KCTD13: variants seen among roughly 807,000 people sequenced by gnomAD.
The protein encoded by KCTD13 is potassium channel tetramerization domain containing 13, also known as BTB/POZ domain-containing adapter for CUL3-mediated RhoA degradation protein 1.
KCTD13 carries 15 observed loss-of-function variants against 32.3 expected under a neutral mutation model. That is an observed-to-expected ratio of 0.46 (90% CI 0.31 to 0.71). The LOEUF (loss-of-function observed/expected upper bound fraction) is 0.71, where lower values mean the gene tolerates loss of function less well. Among genes scored for constraint, KCTD13 ranks in the 30% least tolerant of loss-of-function variants. The pLI is 0.05. For missense variants in KCTD13, 337 were observed against 452.6 expected (o/e 0.74, Z 2.32); for synonymous variants, 189 against 200.1 (o/e 0.94, Z 0.47).
rs75546749 is a variant in KCTD13 at position 29,910,015 on chromosome 16, C to T, written c.753+963G>A. On this transcript the variant is annotated intron_variant, in intron 5 of 5. Coordinates refer to ENST00000568000, the MANE Select transcript of KCTD13 (RefSeq NM_178863.5). The stretch of plus-strand genomic sequence containing the variant: ...TTGGGAGGCTGAGGCAGGAGAATCA[C>T]TTGAATCTGGGAGGCAGAGGTTAAG... 0.015 allele frequency among the ~76,000 whole-genome samples: 2,229 copies of T among 150,842 alleles called. 258 individuals carry two copies. The East Asian group carries it at 0.29, about 20-fold the overall frequency.
At chr16:29,914,858 G>GAAGCCGGGC (rs1027821156) in intron 2 of KCTD13, 1 of 152,184 alleles carries the variant, frequency 6.6e-6, no homozygotes, top group African/African-American at 2.4e-5. Flanking sequence ...AAAAGCAGGG[G>GAAGCCGGGC]AAGCCGGGCG....
chr16:29,920,146 ACTCCATCTC>A (rs1430877929), intron 2 of KCTD13: 2 of 152,308 alleles, frequency 1.3e-5, no homozygotes, highest in Non-Finnish European at 2.9e-5. Flanking sequence ...ACATGGCGAA[ACTCCATCTC>A]TACCAAAAAT....
At chr16:29,914,372 A>T (rs1217042627) in intron 2 of KCTD13, 1 of 152,044 alleles carries the variant, frequency 6.6e-6, no homozygotes, top group Non-Finnish European at 1.5e-5. Context: ...CATCTCAGTC[A>T]GGTCCAGGTG....
At chr16:29,918,094 G>T (rs920065013) in intron 2 of KCTD13, among the ~76,000 whole-genome samples, 3 of 152,204 alleles carry the variant, frequency 2.0e-5, no homozygotes, top group African/African-American at 7.2e-5. Context: ...GTTGACAATG[G>T]AAAGCATGAC....
In KCTD13 at chr16:29,906,726, G is replaced by A. The variant is rs2068619715; in HGVS notation, c.*146C>T. The A allele has an allele frequency of 4.2e-6, 3 of 707,136 alleles. No individual in the cohort carries two copies. The highest frequency in any genetic ancestry group is 5.4e-5 in the East Asian group (2 of 37,062). The allele number at this position is 707,136 out of a possible 1,614,324, so 43.8% of individuals were successfully genotyped here. A position where few individuals can be genotyped will look rare whatever the true frequency, so the allele number is the denominator to read the frequency against. ...ATGGGGTTGGGATGGGTGGAGAAGGGCCAAAGTGAGCTGTGCCATGCAATG... is the reference window on the plus strand; with the variant it reads ...ATGGGGTTGGGATGGGTGGAGAAGGACCAAAGTGAGCTGTGCCATGCAATG... On this transcript the variant is annotated 3_prime_UTR_variant, in exon 6 of 6. Coordinates refer to ENST00000568000, the MANE Select transcript of KCTD13 (RefSeq NM_178863.5).
intron 2 of KCTD13, 28 bp downstream of exon 2, chr16:29,923,162 T>C (rs1567448269): frequency 5.6e-6 from 9 of 1,611,136 alleles, no homozygotes; most frequent in East Asian, 4.5e-5. Context: ...CCCAGGAACA[T>C]AGGCATGGGG....
rs541171011 is a variant in KCTD13 at position 29,906,791 on chromosome 16, G to A, written c.*81C>T. On this transcript the variant is annotated 3_prime_UTR_variant, in exon 6 of 6. Transcript: ENST00000568000. ...GACCCACGACTTGGCCAGCAGAGCC[G>A]GGGCAAAAGTCTGGGAAGGGGAGGG... 2.0e-5 allele frequency: 26 copies of A among 1,280,954 alleles called. No individual in the cohort carries two copies. Among genetic ancestry groups the A allele is most frequent in the Middle Eastern group, 1.9e-4 (1 of 5,398 alleles). The allele number at this position is 1,280,954 out of a possible 1,614,324, so 79.3% of individuals were successfully genotyped here.
chr16:29,911,122 G>A lies in KCTD13; in HGVS notation c.609C>T (p.Ala203=). 1 of 1,614,152 alleles carries A rather than the reference G, an allele frequency of 6.2e-7. No homozygotes were observed. The highest frequency in any genetic ancestry group is 8.5e-7 in the Non-Finnish European group (1 of 1,180,018). ...LKNIELFDKL[A]LRFHGRLLFL... is the part of the protein sequence containing the mutation. ...AGAGTAGCCGCCCGTGGAAGCGCAG[G>A]GCCAGCTTGTCGAACAGCTCGATGT... The change falls in exon 5 of 6, where the codon GCC becomes GCT. Residue 203 remains alanine (A), a synonymous_variant. Coordinates refer to ENST00000568000, the MANE Select transcript of KCTD13 (RefSeq NM_178863.5).
At chr16:29,917,394 C>A (rs968659311) in intron 2 of KCTD13, among the ~76,000 whole-genome samples, 2 of 152,136 alleles carry the variant, frequency 1.3e-5, no homozygotes, top group African/African-American at 4.8e-5. Context: ...CACCTGTAAT[C>A]CCAGCACTTT....
In KCTD13 at chr16:29,925,979, G is replaced by A. The variant is rs2068989956; in HGVS notation, c.55C>T (p.Pro19Ser). 1 of 1,608,652 alleles carries A rather than the reference G, an allele frequency of 6.2e-7. No homozygotes were observed. Among genetic ancestry groups the A allele is most frequent in the Non-Finnish European group, 8.5e-7 (1 of 1,176,940 alleles). Residue 19 changes from proline to serine, a missense_variant, in exon 1 of 6, where the codon CCC (proline) becomes TCC (serine). Pro to Ser is a moderately conservative substitution (Grantham distance 74, BLOSUM62 -1). This residue lies in a region of KCTD13 where 64 missense variants were observed against 59.6 expected (regional missense o/e 1.07). Coordinates refer to ENST00000568000, the MANE Select transcript of KCTD13 (RefSeq NM_178863.5). ...CCAGGCTCGAGACCCGAGGGCTTGG[G>A]GGCTTCCAGGGACGGGGCCGCGGCG... Reference protein sequence around the residue: ...AAAAAPSLEAPKPSGLEPGPA... With the variant: ...AAAAAPSLEASKPSGLEPGPA...
chr16:29,920,429 A>C (rs982508274), intron 2 of KCTD13: 3 of 152,258 alleles, frequency 2.0e-5, no homozygotes, highest in African/African-American at 7.2e-5. Context: ...ACAGGCTTAG[A>C]GGTTAATTTG....
chr16:29,917,493 A>G (rs1181410423), intron 2 of KCTD13, among the ~76,000 whole-genome samples: 1 of 152,064 alleles, frequency 6.6e-6, no homozygotes, highest in Non-Finnish European at 1.5e-5. Context: ...CAAAAAATAC[A>G]AAAATTAGAC....
intron 2 of KCTD13, 79 bp downstream of exon 2, chr16:29,923,111 T>G: frequency 2.0e-6 from 3 of 1,481,456 alleles, no homozygotes; most frequent in Non-Finnish European, 2.8e-6. Flanking sequence ...CCATACCCCA[T>G]ATCTCCTTTT....
In KCTD13 at chr16:29,911,159, T is replaced by C. The variant is rs961353474; in HGVS notation, c.572A>G (p.Asn191Ser). 2.5e-6 allele frequency: 4 copies of C among 1,613,752 alleles called. No homozygotes were observed. The highest frequency in any genetic ancestry group is 2.5e-6 in the Non-Finnish European group (3 of 1,179,902). The change falls in exon 5 of 6, where the codon AAC becomes AGC. Residue 191 changes from asparagine to serine, a missense_variant. Transcript: ENST00000568000. ...KYSYTSTSDD[N>S]LLKNIELFDK... ...GAACAGCTCGATGTTCTTAAGTAGG[T>C]TGTCATCTGAAGTGCTGGGGACCAG...
intron 2 of KCTD13, chr16:29,914,482 CTGAAGTGCA>C (rs1447847881): frequency 2.7e-5 from 4 of 147,458 alleles, no homozygotes; most frequent in Non-Finnish European, 4.4e-5. Context: ...GTCTCCCAAG[CTGAAGTGCA>C]GAGCCACCAC....
intron 2 of KCTD13, chr16:29,912,450 T>A (rs2068731173): frequency 4.2e-6 from 1 of 238,998 alleles, no homozygotes; most frequent in Non-Finnish European, 8.0e-6. Flanking sequence ...AGTTTTCTTT[T>A]TCTTTTTTTG....
At chr16:29,922,762 G>A in intron 2 of KCTD13, 3 of 390,128 alleles carry the variant, frequency 7.7e-6, no homozygotes, top group Non-Finnish European at 9.0e-6. Flanking sequence ...CGGAAGCCAT[G>A]GGAGAATGCT....
rs1425292041 is a variant in KCTD13 at position 29,923,362 on chromosome 16, A to T, written c.245-3T>A. On this transcript the variant is annotated splice_polypyrimidine_tract_variant and splice_region_variant and intron_variant, in intron 1 of 5. Coordinates refer to ENST00000568000, the MANE Select transcript of KCTD13 (RefSeq NM_178863.5). Reference sequence around the variant, plus strand: ...GCTCCGGTCAATCAGCACCCAACCTAGTGGGGTGGGGAGAGGCAGGGGGAA... The same window carrying T: ...GCTCCGGTCAATCAGCACCCAACCTTGTGGGGTGGGGAGAGGCAGGGGGAA... 6.2e-7 allele frequency: 1 copy of T among 1,613,024 alleles called. No homozygotes were observed. The highest frequency in any genetic ancestry group is 1.7e-5 in the Admixed American group (1 of 59,936).
intron 2 of KCTD13, chr16:29,913,099 A>G (rs899711583): frequency 3.3e-5 from 5 of 152,020 alleles, no homozygotes; most frequent in African/African-American, 1.2e-4. Flanking sequence ...GAGAATAATA[A>G]AAGTCTACAA....
Sources: allele counts gnomAD v4.1 joint callset (sites outside exome capture counted in the v4.1 genomes callset), GRCh38; gene constraint gnomAD v4.1.1; regional missense constraint gnomAD v4.1.1; transcripts MANE v1.5; gene names NCBI Gene and HGNC (gene_info 2026-07-23, HGNC 2026-07-21).